Variants in ANO3 observed in about 807,000 individuals in gnomAD.
The protein encoded by ANO3 is anoctamin 3, also known as anoctamin-3.
A neutral mutation model predicts 144.8 loss-of-function variants in ANO3; 99 were observed. The observed-to-expected ratio is 0.68, with a 90% confidence interval of 0.58 to 0.81. The LOEUF (loss-of-function observed/expected upper bound fraction) is 0.81, where lower values mean the gene tolerates loss of function less well. Ranked by LOEUF, ANO3 falls within the 30% of genes least tolerant of loss-of-function variation. The pLI is 0.00. For synonymous variants in ANO3, 414 were observed against 392.6 expected (o/e 1.05, Z -0.64); for missense variants, 905 against 1,202.2 (o/e 0.75, Z 3.66).
intron 1 of ANO3, among the ~76,000 whole-genome samples, chr11:26,246,284 T>C (rs997356910): frequency 9.9e-5 from 15 of 152,036 alleles, no homozygotes; most frequent in African/African-American, 3.6e-4. Context: ...GGAAAATATA[T>C]TTTCAATTAT....
intron 4 of ANO3, among the ~76,000 whole-genome samples, chr11:26,480,857 A>C (rs906443394): frequency 6.6e-6 from 1 of 152,130 alleles, no homozygotes; most frequent in Non-Finnish European, 1.5e-5. Context: ...TGAGCAAATA[A>C]GTTGCCATCT....
chr11:26,560,113 G>A, intron 14 of ANO3: 1 of 217,024 alleles, frequency 4.6e-6, no homozygotes, highest in Non-Finnish European at 9.1e-6. Flanking sequence ...TGAAACTGAT[G>A]CTCAGTAAAA....
chr11:26,204,419 C>A (rs564382576), intron 1 of ANO3, among the ~76,000 whole-genome samples: 1 of 152,228 alleles, frequency 6.6e-6, no homozygotes, highest in East Asian at 1.9e-4. Flanking sequence ...CATGAGGACA[C>A]CTCCAACTCT....
At chr11:26,411,034 T>C (rs1857417106) in intron 1 of ANO3, among the ~76,000 whole-genome samples, 1 of 151,990 alleles carries the variant, frequency 6.6e-6, no homozygotes, top group Non-Finnish European at 1.5e-5. Flanking sequence ...AGTGATTTAC[T>C]AGAGTGGAGA....
chr11:26,323,723 T>G (rs1854817245), intron 1 of ANO3, among the ~76,000 whole-genome samples: 1 of 152,096 alleles, frequency 6.6e-6, no homozygotes, highest in Non-Finnish European at 1.5e-5. Flanking sequence ...CGATTTCTCT[T>G]CCATTAAAGC....
intron 1 of ANO3, among the ~76,000 whole-genome samples, chr11:26,346,726 T>G (rs1202580550): frequency 6.6e-6 from 1 of 152,152 alleles, no homozygotes; most frequent in Non-Finnish European, 1.5e-5. Flanking sequence ...ATGGAAAATA[T>G]AACATTTAAC....
intron 1 of ANO3, among the ~76,000 whole-genome samples, chr11:26,264,455 T>G (rs1245928812): frequency 6.6e-6 from 1 of 152,212 alleles, no homozygotes; most frequent in East Asian, 1.9e-4. Context: ...CCAGCTGCTC[T>G]GATTTATTTT....
At chr11:26,588,073 A>G (rs7105666) in intron 14 of ANO3, among the ~76,000 whole-genome samples, 1 of 152,144 alleles carries the variant, frequency 6.6e-6, no homozygotes, top group Non-Finnish European at 1.5e-5. Context: ...TATAATTTGC[A>G]TAAGAGTGAA....
chr11:26,604,777 CTT>C (rs1249020288), intron 17 of ANO3, among the ~76,000 whole-genome samples: 1 of 152,138 alleles, frequency 6.6e-6, no homozygotes, highest in African/African-American at 2.4e-5. Context: ...TACCCTAAGA[CTT>C]TGCTGAAGTT....
At chr11:26,614,365 T>C (rs1255117959) in intron 17 of ANO3, among the ~76,000 whole-genome samples, 1 of 152,186 alleles carries the variant, frequency 6.6e-6, no homozygotes, top group Non-Finnish European at 1.5e-5. Context: ...TGCCAGGGTC[T>C]CAGTCCTTCG....
chr11:26,603,148 T>C (rs1374399921), intron 17 of ANO3, among the ~76,000 whole-genome samples: 1 of 152,152 alleles, frequency 6.6e-6, no homozygotes, highest in Non-Finnish European at 1.5e-5. Context: ...AACATAAAAC[T>C]GATTTTTAAA....
At chr11:26,590,763 G>A (rs375442964) in intron 14 of ANO3, among the ~76,000 whole-genome samples, 16 of 152,318 alleles carry the variant, frequency 1.1e-4, no homozygotes, top group African/African-American at 3.1e-4. Flanking sequence ...GGAGCACAGC[G>A]GACACCCTGC....
intron 1 of ANO3, among the ~76,000 whole-genome samples, chr11:26,416,635 C>T (rs1857596173): frequency 6.6e-6 from 1 of 151,928 alleles, no homozygotes. Flanking sequence ...CCATGTTGGC[C>T]AGGATGGTCT....
chr11:26,268,312 T>C (rs894997193), intron 1 of ANO3, among the ~76,000 whole-genome samples: 2 of 152,200 alleles, frequency 1.3e-5, no homozygotes, highest in East Asian at 1.9e-4. Context: ...ATCCAGTCTT[T>C]GGCATTTTTA....
chr11:26,383,536 T>A (rs1206592363), intron 1 of ANO3, among the ~76,000 whole-genome samples: 2 of 119,908 alleles, frequency 1.7e-5, no homozygotes, highest in African/African-American at 2.7e-5. Flanking sequence ...ATATATATAA[T>A]GGCTTACCCT....
At chr11:26,439,226 A>G (rs543777892) in intron 1 of ANO3, among the ~76,000 whole-genome samples, 20 of 152,380 alleles carry the variant, frequency 1.3e-4, no homozygotes, top group Non-Finnish European at 2.8e-4. Flanking sequence ...CTCTTAGAAG[A>G]AAACATAGGA....
intron 1 of ANO3, among the ~76,000 whole-genome samples, chr11:26,208,836 GT>G (rs2133779678): frequency 6.6e-6 from 1 of 152,240 alleles, no homozygotes; most frequent in Admixed American, 6.5e-5. Flanking sequence ...CATTTGTTGA[GT>G]TTTGAAGACA....
intron 5 of ANO3, among the ~76,000 whole-genome samples, chr11:26,509,850 C>T (rs886690711): frequency 3.9e-5 from 6 of 151,974 alleles, no homozygotes; most frequent in Admixed American, 6.6e-5. Flanking sequence ...CCTAGAAAAA[C>T]TAATCCATTT....
At chr11:26,269,863 C>A (rs939541591) in intron 1 of ANO3, among the ~76,000 whole-genome samples, 1 of 152,128 alleles carries the variant, frequency 6.6e-6, no homozygotes, top group East Asian at 1.9e-4. Flanking sequence ...CTCAATGTGA[C>A]CATATTTGAA....
Sources: gnomAD v4.1 joint callset for allele counts (sites outside exome capture counted in the v4.1 genomes callset) on GRCh38, gnomAD v4.1.1 for gene constraint, MANE v1.5 for transcripts, NCBI Gene and HGNC (gene_info 2026-07-23, HGNC 2026-07-21) for gene names.